The following GPBP1L1 variants were observed in gnomAD, a reference collection of about 807,000 sequenced individuals.
GPBP1L1 encodes the protein GC-rich promoter binding protein 1 like 1.
Under a neutral mutation model 52.5 loss-of-function variants are expected in GPBP1L1, and 23 were observed. The ratio of observed to expected loss-of-function variants is 0.44; its 90% CI spans 0.32 to 0.62. The LOEUF is 0.62. Among genes scored for constraint, GPBP1L1 ranks in the 20% least tolerant of loss-of-function variants. The pLI, the probability that GPBP1L1 is intolerant of heterozygous loss-of-function variation, is 0.06. For missense variants in GPBP1L1, 596 were observed against 579.3 expected (o/e 1.03, Z -0.30); for synonymous variants, 243 against 203.1 (o/e 1.20, Z -1.67).
At chr1:45,667,786 C>T (rs973861984) in intron 2 of GPBP1L1, among the ~76,000 whole-genome samples, 1 of 152,192 alleles carries the variant, frequency 6.6e-6, no homozygotes, top group Non-Finnish European at 1.5e-5. Context: ...GTCTCATTGT[C>T]GCCCAGGCTG....
intron 1 of GPBP1L1, among the ~76,000 whole-genome samples, chr1:45,686,051 G>A (rs1200330613): frequency 5.9e-5 from 9 of 152,160 alleles, no homozygotes; most frequent in Admixed American, 2.0e-4. Context: ...AAGAAGGAAA[G>A]AAAAAAACCC....
In GPBP1L1 at chr1:45,660,852, T is replaced by TA. The variant is rs1644939484; in HGVS notation, c.-725dup. 6.6e-6 allele frequency: 1 copy of TA among 152,190 alleles called. No homozygotes were observed. Among genetic ancestry groups the TA allele is most frequent in the African/African-American group, 2.4e-5 (1 of 41,446 alleles). 9.4% of individuals were successfully genotyped at this position (152,190 alleles called of 1,614,324 possible). On this transcript the variant is annotated 5_prime_UTR_variant, in exon 3 of 13. Transcript: ENST00000355105. ...GTTAAAAAAAAATAAAAAATAAAAA[T>TA]AGACAGGAATTTGCTACACTTTTCC...
intron 6 of GPBP1L1, chr1:45,645,797 G>A: frequency 3.8e-6 from 1 of 266,648 alleles, no homozygotes; most frequent in African/African-American, 2.7e-5. Context: ...CATTTTATTT[G>A]TAAATATGTA....
intron 6 of GPBP1L1, among the ~76,000 whole-genome samples, chr1:45,643,118 G>A (rs1158852288): frequency 6.6e-6 from 1 of 152,192 alleles, no homozygotes; most frequent in Non-Finnish European, 1.5e-5. Flanking sequence ...TGAAAGAGAA[G>A]TGCTATCAGA....
chr1:45,654,641 G>T lies in GPBP1L1; in HGVS notation c.379C>A (p.Arg127=). Residue 127 remains arginine (R), a synonymous_variant, in exon 6 of 13, where the codon CGG becomes AGG. Transcript: ENST00000355105. ...HRHWNGSFHS[R]KGCAFQEKPP... Reference sequence around the variant, plus strand: ...TTTTCCTGAAAAGCACACCCTTTCCGGGAGTGGAAGCTGCCATTCCAATGG... The same window carrying T: ...TTTTCCTGAAAAGCACACCCTTTCCTGGAGTGGAAGCTGCCATTCCAATGG... 6.2e-7 allele frequency: 1 copy of T among 1,614,056 alleles called. No homozygotes were observed. Among genetic ancestry groups the T allele is most frequent in the Non-Finnish European group, 8.5e-7 (1 of 1,180,010 alleles).
intron 8 of GPBP1L1, among the ~76,000 whole-genome samples, chr1:45,639,422 T>C (rs1370879949): frequency 6.6e-6 from 1 of 152,000 alleles, no homozygotes; most frequent in African/African-American, 2.4e-5. Flanking sequence ...TAGGATGTTG[T>C]TGCTATTACA....
chr1:45,660,727 T>A lies in GPBP1L1; in HGVS notation c.-599A>T, dbSNP rs1316176197. On this transcript the variant is annotated 5_prime_UTR_variant, in exon 3 of 13. Transcript: ENST00000355105. Reference sequence around the variant, plus strand: ...CATGACAAAGTCCTTAAAATACAAATCTCATTACTCTTACTCATGCAACTG... The same window carrying A: ...CATGACAAAGTCCTTAAAATACAAAACTCATTACTCTTACTCATGCAACTG... 5.9e-6 allele frequency: 1 copy of A among 168,416 alleles called. No individual in the cohort carries two copies. Among genetic ancestry groups the A allele is most frequent in the Non-Finnish European group, 1.2e-5 (1 of 83,124 alleles). 10.4% of individuals were successfully genotyped at this position (168,416 alleles called of 1,614,324 possible).
intron 7 of GPBP1L1, 54 bp from the exon 8 acceptor site, chr1:45,640,457 T>C: frequency 6.9e-7 from 1 of 1,442,666 alleles, no homozygotes; most frequent in Non-Finnish European, 9.7e-7. Context: ...TTGTGTAACA[T>C]GAAGCATAGT....
intron 10 of GPBP1L1, among the ~76,000 whole-genome samples, chr1:45,632,407 A>C (rs1383240914): frequency 6.6e-6 from 1 of 152,168 alleles, no homozygotes; most frequent in Non-Finnish European, 1.5e-5. Flanking sequence ...CATCTCAAAA[A>C]ATAAAGTAAT....
intron 2 of GPBP1L1, among the ~76,000 whole-genome samples, chr1:45,667,582 C>T (rs1191508879): frequency 1.3e-5 from 2 of 152,192 alleles, no homozygotes; most frequent in East Asian, 3.8e-4. Context: ...TGGCTTCAAC[C>T]ACTCATTTTC....
At position 45,654,765 on chromosome 1, in the gene GPBP1L1, T is replaced by C. The variant is rs1431727965; in HGVS notation, c.255A>G (p.Ala85=). ...ATGGGTTCCCTGTGATTCCAGCATA[T>C]GCTCCCTTAGAGACACCAGAGTCCA... is the stretch of plus-strand genomic sequence containing the variant. ...DSVDSGVSKG[A]YAGITGNPSG... The change falls in exon 6 of 13, where the codon GCA becomes GCG. Residue 85 remains alanine (A), a synonymous_variant. Transcript: ENST00000355105. The C allele has an allele frequency of 6.2e-7, 1 of 1,614,116 alleles. No individual in the cohort carries two copies. Among genetic ancestry groups the C allele is most frequent in the African/African-American group, 1.3e-5 (1 of 75,026 alleles).
At chr1:45,677,655 AACG>A (rs1645163689) in intron 2 of GPBP1L1, among the ~76,000 whole-genome samples, 1 of 152,264 alleles carries the variant, frequency 6.6e-6, no homozygotes, top group Admixed American at 6.5e-5. Context: ...TCACAAATTC[AACG>A]ACAACAATGG....
intron 4 of GPBP1L1, among the ~76,000 whole-genome samples, chr1:45,657,668 T>G (rs1644900964): frequency 6.6e-6 from 1 of 151,982 alleles, no homozygotes; most frequent in African/African-American, 2.4e-5. Context: ...TTGGGCAACA[T>G]GGTGAGACCC....
chr1:45,634,836 A>G (rs1001818613), intron 8 of GPBP1L1: 29 of 152,350 alleles, frequency 1.9e-4, no homozygotes, highest in African/African-American at 5.8e-4. Context: ...CACTCTGGCC[A>G]TAACCCCAAG....
chr1:45,631,525 A>G (rs1174682360), intron 10 of GPBP1L1, among the ~76,000 whole-genome samples: 1 of 152,186 alleles, frequency 6.6e-6, no homozygotes, highest in Non-Finnish European at 1.5e-5. Context: ...AGCCAACCAA[A>G]GTGTTGGGAT....
At chr1:45,640,140 T>C (rs1644651820) in intron 8 of GPBP1L1, 70 bp downstream of exon 8, 1 of 1,264,110 alleles carries the variant, frequency 7.9e-7, no homozygotes, top group Non-Finnish European at 1.1e-6. Flanking sequence ...AAAACAAATT[T>C]ATTAATTTTT....
intron 6 of GPBP1L1, chr1:45,651,259 C>T (rs1224604217): frequency 4.9e-6 from 2 of 407,720 alleles, no homozygotes; most frequent in Non-Finnish European, 9.5e-6. Flanking sequence ...GTAGACATCC[C>T]ACTCTTGACT....
intron 2 of GPBP1L1, among the ~76,000 whole-genome samples, chr1:45,685,058 C>A (rs1383724899): frequency 6.6e-6 from 1 of 151,268 alleles, no homozygotes; most frequent in Non-Finnish European, 1.5e-5. Flanking sequence ...ACTTCTGGAT[C>A]TATCGATTAA....
At chr1:45,632,097 A>T (rs964131268) in intron 10 of GPBP1L1, among the ~76,000 whole-genome samples, 4 of 152,176 alleles carry the variant, frequency 2.6e-5, no homozygotes, top group African/African-American at 9.7e-5. Flanking sequence ...ATACTCTTTC[A>T]TCCTCACAGG....
Sources: gnomAD v4.1 joint callset for allele counts (sites outside exome capture counted in the v4.1 genomes callset) on GRCh38, gnomAD v4.1.1 for gene constraint, MANE v1.5 for transcripts, NCBI Gene and HGNC (gene_info 2026-07-23, HGNC 2026-07-21) for gene names.